ELMO1: variants seen among roughly 807,000 people sequenced by gnomAD.
ELMO1 encodes engulfment and cell motility protein 1.
ELMO1 carries 26 observed loss-of-function variants against 98.9 expected under a neutral mutation model. The observed-to-expected ratio is 0.26, with a 90% CI of 0.19 to 0.36. The LOEUF (loss-of-function observed/expected upper bound fraction) is 0.36. Ranked by LOEUF, ELMO1 falls within the 10% of genes least tolerant of loss-of-function variation. ELMO1 has a pLI of 1.00. For missense variants in ELMO1, 627 were observed against 935.2 expected (o/e 0.67, Z 4.30); for synonymous variants, 346 against 346.0 (o/e 1.00, Z 0.00).
intron 16 of ELMO1, among the ~76,000 whole-genome samples, chr7:36,933,867 G>T (rs141879020): frequency 1.3e-5 from 2 of 152,334 alleles, no homozygotes; most frequent in African/African-American, 4.8e-5. Flanking sequence ...GGAGTATCAA[G>T]GGGCAGGACT....
At chr7:37,438,567 T>A (rs1323296316) in intron 1 of ELMO1, among the ~76,000 whole-genome samples, 1 of 150,358 alleles carries the variant, frequency 6.7e-6, no homozygotes, top group Non-Finnish European at 1.5e-5. Context: ...GCCACTGCAC[T>A]CCAGCCTGAG....
chr7:37,000,594 T>G (rs1792593349), intron 16 of ELMO1, among the ~76,000 whole-genome samples: 1 of 152,222 alleles, frequency 6.6e-6, no homozygotes, highest in Non-Finnish European at 1.5e-5. Context: ...ATAATTTTTG[T>G]GAACGGCATG....
At chr7:37,442,753 C>T (rs1168773684) in intron 1 of ELMO1, among the ~76,000 whole-genome samples, 2 of 152,156 alleles carry the variant, frequency 1.3e-5, no homozygotes, top group Non-Finnish European at 2.9e-5. Flanking sequence ...CATGGCAACC[C>T]AGGGCACATC....
At chr7:36,984,392 T>C (rs1466876397) in intron 16 of ELMO1, among the ~76,000 whole-genome samples, 1 of 152,138 alleles carries the variant, frequency 6.6e-6, no homozygotes, top group East Asian at 1.9e-4. Flanking sequence ...AGTTAGGAAA[T>C]TCTCCCTCTC....
At chr7:36,985,803 T>C in intron 16 of ELMO1, 1 of 614,036 alleles carries the variant, frequency 1.6e-6, no homozygotes, top group Non-Finnish European at 2.1e-6. Context: ...AACCCTTGAA[T>C]GCCCGCTCCT....
intron 16 of ELMO1, among the ~76,000 whole-genome samples, chr7:36,911,794 C>T (rs1295017970): frequency 1.3e-5 from 2 of 152,288 alleles, no homozygotes; most frequent in East Asian, 3.9e-4. Flanking sequence ...CTCCCTTGCT[C>T]CCATCGGCCA....
intron 1 of ELMO1, among the ~76,000 whole-genome samples, chr7:37,390,025 A>G (rs1803000834): frequency 6.6e-6 from 1 of 152,138 alleles, no homozygotes; most frequent in Non-Finnish European, 1.5e-5. Context: ...GAAGTCACCC[A>G]TGCTCTGGTT....
chr7:37,164,099 C>T (rs1440524555), intron 13 of ELMO1, among the ~76,000 whole-genome samples: 1 of 152,186 alleles, frequency 6.6e-6, no homozygotes, highest in Non-Finnish European at 1.5e-5. Flanking sequence ...TGATGATGAG[C>T]ATTTTTTCAT....
intron 13 of ELMO1, among the ~76,000 whole-genome samples, chr7:37,198,927 C>T (rs1157360826): frequency 6.6e-6 from 1 of 152,202 alleles, no homozygotes; most frequent in Non-Finnish European, 1.5e-5. Context: ...CTAAACTTAC[C>T]CACTTAGAAG....
At chr7:37,099,314 G>C (rs1784520252) in intron 14 of ELMO1, among the ~76,000 whole-genome samples, 1 of 152,174 alleles carries the variant, frequency 6.6e-6, no homozygotes, top group Non-Finnish European at 1.5e-5. Context: ...AATTATGAAT[G>C]CTACTAGTTA....
intron 14 of ELMO1, among the ~76,000 whole-genome samples, chr7:37,119,747 C>A (rs1375627239): frequency 6.6e-6 from 1 of 152,096 alleles, no homozygotes; most frequent in Admixed American, 6.5e-5. Flanking sequence ...CATATATATG[C>A]TCTGTCTCAC....
chr7:36,934,413 C>G (rs761512533), intron 16 of ELMO1, among the ~76,000 whole-genome samples: 4 of 152,214 alleles, frequency 2.6e-5, no homozygotes, highest in Non-Finnish European at 5.9e-5. Context: ...CATCCACACT[C>G]TAGTCCCCTC....
chr7:37,143,801 C>G (rs974941626), intron 13 of ELMO1, among the ~76,000 whole-genome samples: 2 of 151,366 alleles, frequency 1.3e-5, no homozygotes, highest in African/African-American at 4.9e-5. Flanking sequence ...GCCTCTGCCC[C>G]CTGGGTTCTA....
intron 17 of ELMO1, among the ~76,000 whole-genome samples, chr7:36,890,436 C>A (rs368053058): frequency 7.9e-5 from 12 of 152,178 alleles, no homozygotes; most frequent in African/African-American, 2.9e-4. Flanking sequence ...ATCTGTCTGA[C>A]TGTCTAATTG....
intron 13 of ELMO1, among the ~76,000 whole-genome samples, chr7:37,180,761 A>G (rs1414155534): frequency 1.3e-5 from 2 of 151,960 alleles, no homozygotes; most frequent in Non-Finnish European, 2.9e-5. Context: ...TTTTTGGGGA[A>G]AAATATGTAT....
intron 13 of ELMO1, among the ~76,000 whole-genome samples, chr7:37,168,349 C>T (rs1434866535): frequency 6.6e-6 from 1 of 152,228 alleles, no homozygotes; most frequent in East Asian, 1.9e-4. Flanking sequence ...CAAAGTCATT[C>T]TCCGTCCAGC....
At chr7:37,047,039 A>T (rs1795832919) in intron 15 of ELMO1, among the ~76,000 whole-genome samples, 1 of 152,226 alleles carries the variant, frequency 6.6e-6, no homozygotes, top group Admixed American at 6.5e-5. Context: ...TATACTTTTT[A>T]GAAAGATGTC....
At chr7:36,958,838 T>A (rs1788690006) in intron 16 of ELMO1, among the ~76,000 whole-genome samples, 1 of 151,916 alleles carries the variant, frequency 6.6e-6, no homozygotes, top group Admixed American at 6.6e-5. Flanking sequence ...CTGTCTCCAC[T>A]CACTCCCTAG....
At chr7:37,314,513 A>C (rs1364898472) in intron 4 of ELMO1, among the ~76,000 whole-genome samples, 1 of 1,236 alleles carries the variant, frequency 8.1e-4, no homozygotes, top group African/African-American at 1.6e-3. Context: ...GTTAGAGGCT[A>C]CTTTGAAAAA....
Sources: gnomAD v4.1 joint callset for allele counts (sites outside exome capture counted in the v4.1 genomes callset) on GRCh38, gnomAD v4.1.1 for gene constraint, MANE v1.5 for transcripts, NCBI Gene and HGNC (gene_info 2026-07-23, HGNC 2026-07-21) for gene names.